Variants in UNC79 observed in about 807,000 individuals in gnomAD.
UNC79 encodes protein unc-79 homolog.
A neutral mutation model predicts 283.1 loss-of-function variants in UNC79; 37 were observed. That is an observed-to-expected ratio of 0.13 (90% CI 0.10 to 0.17). The LOEUF (loss-of-function observed/expected upper bound fraction) is 0.17. Among genes scored for constraint, UNC79 ranks in the 10% least tolerant of loss-of-function variants. The pLI, the probability that UNC79 is intolerant of heterozygous loss-of-function variation, is 1.00. For synonymous variants in UNC79, 1,107 were observed against 1,200.2 expected, an observed-to-expected ratio of 0.92 and a Z score of 1.61; for missense variants, 2,272 against 3,211.1, an observed-to-expected ratio of 0.71 and a Z score of 7.07.
chr14:93,489,714 G>T (rs1357421606), intron 5 of UNC79, among the ~76,000 whole-genome samples: 2 of 152,264 alleles, frequency 1.3e-5, no homozygotes, highest in Non-Finnish European at 2.9e-5. Context: ...CCACTGAGGT[G>T]GTGGCCCTGC....
chr14:93,550,462 C>T (rs2402308), intron 14 of UNC79, among the ~76,000 whole-genome samples: 126,748 of 146,122 alleles, frequency 0.87, 54,901 homozygotes, highest in East Asian at 0.94. Context: ...TTGCAGTGAG[C>T]CAAGATCGCG....
chr14:93,530,719 C>T (rs1370045990), intron 10 of UNC79, among the ~76,000 whole-genome samples: 1 of 152,138 alleles, frequency 6.6e-6, no homozygotes, highest in African/African-American at 2.4e-5. Context: ...ACCATCCTGG[C>T]TAACATGGTG....
intron 1 of UNC79, chr14:93,335,137 G>T (rs957861194): frequency 7.9e-5 from 12 of 152,328 alleles, no homozygotes; most frequent in South Asian, 6.2e-4. Context: ...GCCAAGTAAG[G>T]TCTGCTGGTT....
intron 22 of UNC79, among the ~76,000 whole-genome samples, chr14:93,591,581 G>A (rs547114494): frequency 6.6e-6 from 1 of 152,198 alleles, no homozygotes; most frequent in African/African-American, 2.4e-5. Context: ...AATACCGTAA[G>A]TTTATGCCAT....
At chr14:93,431,148 G>T in intron 1 of UNC79, 97 bp downstream of exon 1, 1 of 615,342 alleles carries the variant, frequency 1.6e-6, no homozygotes, top group South Asian at 1.8e-5. Context: ...GCATTGTGCT[G>T]GTGCGGGGGT....
At chr14:93,425,677 A>G (rs1453249400), upstream of UNC79, among the ~76,000 whole-genome samples, 1 of 152,218 alleles carries the variant, frequency 6.6e-6, no homozygotes, top group African/African-American at 2.4e-5. Flanking sequence ...TCATAGGGGA[A>G]GAAGCAGACC....
intron 7 of UNC79, among the ~76,000 whole-genome samples, chr14:93,519,857 A>T (rs927473872): frequency 2.0e-5 from 3 of 151,700 alleles, no homozygotes; most frequent in African/African-American, 7.3e-5. Context: ...GTTACCAAAC[A>T]TCTTACTTCT....
intron 1 of UNC79, among the ~76,000 whole-genome samples, chr14:93,440,960 T>C (rs1195679413): frequency 6.6e-6 from 1 of 152,138 alleles, no homozygotes; most frequent in Non-Finnish European, 1.5e-5. Flanking sequence ...TACCTTGTAA[T>C]GTTGTTTAGG....
intron 1 of UNC79, among the ~76,000 whole-genome samples, chr14:93,404,299 A>T (rs2055169858): frequency 7.0e-6 from 1 of 143,668 alleles, no homozygotes; most frequent in Non-Finnish European, 1.5e-5. Flanking sequence ...ACCCTGGGCA[A>T]CATAGTGAGA....
intron 7 of UNC79, among the ~76,000 whole-genome samples, chr14:93,499,088 T>A (rs1181765516): frequency 6.6e-6 from 1 of 152,252 alleles, no homozygotes. Context: ...GAGATGGTAA[T>A]ACTTGTTGTT....
intron 1 of UNC79, among the ~76,000 whole-genome samples, chr14:93,350,445 CTG>C (rs1188275610): frequency 1.3e-5 from 2 of 151,974 alleles, no homozygotes; most frequent in Middle Eastern, 3.4e-3. Context: ...TTAAAAAGAA[CTG>C]TAATGTAAGA....
rs547705546 is a variant in UNC79 at position 93,582,398 on chromosome 14, C to G, written c.2803+54C>G. 5.0e-6 allele frequency: 8 copies of G among 1,593,874 alleles called. No homozygotes were observed. In the African/African-American group the frequency reaches 5.4e-5, roughly 11 times the overall value. On this transcript the variant is annotated intron_variant, in intron 20 of 48. Transcript: ENST00000555664. ...CGCCACGTGCACATGGCCTGATGCTCAAATCACCGGGTTCTTGGTTTAATA... is the reference window on the plus strand; with the variant it reads ...CGCCACGTGCACATGGCCTGATGCTGAAATCACCGGGTTCTTGGTTTAATA...
At chr14:93,691,521 T>A in intron 45 of UNC79, 1 of 584,556 alleles carries the variant, frequency 1.7e-6, no homozygotes. Flanking sequence ...TAAGGTGCCT[T>A]CTCTTAAAAA....
chr14:93,356,190 G>A (rs892277686), intron 1 of UNC79, among the ~76,000 whole-genome samples: 8 of 152,064 alleles, frequency 5.3e-5, no homozygotes, highest in African/African-American at 1.4e-4. Context: ...ACCACGCCTG[G>A]CTAATTGTTG....
intron 18 of UNC79, 136 bp from the exon 19 acceptor site, chr14:93,580,013 T>C (rs2063696884): frequency 2.6e-6 from 2 of 756,540 alleles, no homozygotes; most frequent in Non-Finnish European, 2.1e-6. Context: ...CTTTAAATAA[T>C]TCAATATTTC....
At chr14:93,637,913 G>A (rs2068659793) in intron 32 of UNC79, among the ~76,000 whole-genome samples, 2 of 152,072 alleles carry the variant, frequency 1.3e-5, no homozygotes, top group Admixed American at 1.3e-4. Context: ...TTTTTTTCTA[G>A]AATATTGAGG....
At chr14:93,475,747 CCGTTAT>C (rs1190029066) in intron 3 of UNC79, among the ~76,000 whole-genome samples, 1 of 152,046 alleles carries the variant, frequency 6.6e-6, no homozygotes, top group Non-Finnish European at 1.5e-5. Context: ...GGGGAGCTGC[CCGTTAT>C]CTTCAAAGCC....
intron 16 of UNC79, among the ~76,000 whole-genome samples, chr14:93,573,528 T>A (rs1477093835): frequency 1.3e-5 from 2 of 152,224 alleles, no homozygotes; most frequent in Non-Finnish European, 2.9e-5. Flanking sequence ...ATACCTGATA[T>A]GAGTTTGGGC....
chr14:93,552,451 G>A (rs773963857), intron 14 of UNC79, among the ~76,000 whole-genome samples: 2 of 151,942 alleles, frequency 1.3e-5, no homozygotes, highest in Non-Finnish European at 2.9e-5. Flanking sequence ...TCAGAAAAGT[G>A]GAAGAAAATT....
Sources: gnomAD v4.1 joint callset for allele counts (sites outside exome capture counted in the v4.1 genomes callset) on GRCh38, gnomAD v4.1.1 for gene constraint, MANE v1.5 for transcripts, NCBI Gene and HGNC (gene_info 2026-07-23, HGNC 2026-07-21) for gene names.